MYLK: variants seen among roughly 807,000 people sequenced by gnomAD.
MYLK encodes myosin light chain kinase.
A neutral mutation model predicts 203.4 loss-of-function variants in MYLK; 106 were observed. The ratio of observed to expected loss-of-function variants is 0.52; its 90% CI spans 0.45 to 0.61. MYLK has a LOEUF of 0.61. Ranked by LOEUF, MYLK falls within the 20% of genes least tolerant of loss-of-function variation. The pLI, the probability that MYLK is intolerant of heterozygous loss-of-function variation, is 0.00. For missense variants in MYLK, 2,072 were observed against 2,442.3 expected (o/e 0.85, Z 3.20); for synonymous variants, 867 against 959.5 (o/e 0.90, Z 1.78).
intron 2 of MYLK, among the ~76,000 whole-genome samples, chr3:123,840,499 A>G (rs1055094910): frequency 6.6e-6 from 1 of 151,536 alleles, no homozygotes; most frequent in African/African-American, 2.4e-5. Context: ...AATTCACTGA[A>G]AGACACAAAC....
In MYLK at chr3:123,718,655, C is replaced by T. The variant is rs577954601; in HGVS notation, c.1804+3473G>A. 1.5e-4 allele frequency among the ~76,000 whole-genome samples: 23 copies of T among 152,256 alleles called. No individual in the cohort carries two copies. The East Asian group carries it at 1.6e-3, about 10-fold the overall frequency. On this transcript the variant is annotated intron_variant, in intron 13 of 33. Transcript: ENST00000360304. ...CCCCAGGCCATGGACACCTCTGAGG[C>T]TTCCTCACAGCACTAAAGATACACC... is the stretch of plus-strand genomic sequence containing the variant.
intron 3 of MYLK, among the ~76,000 whole-genome samples, chr3:123,819,636 T>C (rs572066873): frequency 6.6e-6 from 1 of 152,200 alleles, no homozygotes; most frequent in Non-Finnish European, 1.5e-5. Context: ...TCTTAAAATG[T>C]CATCTACCCC....
chr3:123,777,860 A>G (rs530751367), intron 4 of MYLK, among the ~76,000 whole-genome samples: 3 of 152,194 alleles, frequency 2.0e-5, no homozygotes, highest in Non-Finnish European at 1.5e-5. Context: ...CAGAGTTCCC[A>G]CTAGTTAGGC....
chr3:123,701,058 A>T, intron 17 of MYLK, 53 bp from the exon 18 acceptor site: 2 of 1,593,408 alleles, frequency 1.3e-6, no homozygotes, highest in Non-Finnish European at 1.7e-6. Context: ...GGGGCTGGGT[A>T]AGAAAGAAAC....
rs1200163785 is a variant in MYLK, at chr3:123,613,499, G to A, written c.*606C>T. ...GGGACCTGTCTTCAGAATCGAAGAA[G>A]CATAATGTCCTTAATGCTTACACTC... On this transcript the variant is annotated 3_prime_UTR_variant, in exon 34 of 34. Coordinates refer to ENST00000360304, the MANE Select transcript of MYLK (RefSeq NM_053025.4). The A allele has an allele frequency of 1.3e-5, 2 of 153,994 alleles. No homozygotes were observed. The highest frequency in any genetic ancestry group is 1.9e-4 in the East Asian group (1 of 5,236). The allele number at this position is 153,994 out of a possible 1,614,324, so 9.5% of individuals were successfully genotyped here.
chr3:123,848,389 T>A (rs1253062863), intron 2 of MYLK, among the ~76,000 whole-genome samples: 1 of 152,088 alleles, frequency 6.6e-6, no homozygotes, highest in African/African-American at 2.4e-5. Context: ...TTTTTCTAGC[T>A]TCTTGAGTAG....
At chr3:123,780,752 C>G (rs1408605642) in intron 4 of MYLK, among the ~76,000 whole-genome samples, 1 of 152,204 alleles carries the variant, frequency 6.6e-6, no homozygotes, top group Admixed American at 6.5e-5. Flanking sequence ...AAATCCATCC[C>G]TGCTCAGCCA....
intron 6 of MYLK, among the ~76,000 whole-genome samples, chr3:123,739,521 A>T (rs2062792554): frequency 6.6e-6 from 1 of 152,218 alleles, no homozygotes; most frequent in Non-Finnish European, 1.5e-5. Context: ...GGGCTCCTGG[A>T]AGATAATGTG....
intron 2 of MYLK, among the ~76,000 whole-genome samples, chr3:123,870,758 C>A (rs1035712838): frequency 6.6e-5 from 10 of 152,224 alleles, no homozygotes; most frequent in African/African-American, 2.4e-4. Flanking sequence ...TTATCTACAG[C>A]TCCTTCCGTG....
intron 29 of MYLK, among the ~76,000 whole-genome samples, chr3:123,636,469 A>T (rs770373634): frequency 6.6e-6 from 1 of 152,276 alleles, no homozygotes; most frequent in African/African-American, 2.4e-5. Context: ...GCAAGTCTCC[A>T]TGACGGCTGG....
chr3:123,665,553 C>T lies in MYLK; in HGVS notation c.3831+666G>A, dbSNP rs117729950. Among the ~76,000 whole-genome samples the T allele has an allele frequency of 1.3e-3, 202 of 152,346 alleles. 4 individuals carry two copies. In the East Asian group the frequency reaches 0.028, roughly 21 times the overall value. On this transcript the variant is annotated intron_variant, in intron 22 of 33. Coordinates refer to ENST00000360304, the MANE Select transcript of MYLK (RefSeq NM_053025.4). ...CAGAATAAATCTTCACAACTTCCCA[C>T]TCCTGTGCCAACCCATCATTCCAGG...
At chr3:123,668,966 T>C (rs1456380912) in intron 20 of MYLK, among the ~76,000 whole-genome samples, 4 of 152,194 alleles carry the variant, frequency 2.6e-5, no homozygotes, top group Admixed American at 2.0e-4. Context: ...GGGCTAATAT[T>C]AACAATTATT....
chr3:123,804,275 T>C (rs756080623), intron 3 of MYLK, among the ~76,000 whole-genome samples: 1 of 152,120 alleles, frequency 6.6e-6, no homozygotes, highest in Non-Finnish European at 1.5e-5. Context: ...GGGAGAGGGC[T>C]AGCAAGTGGG....
chr3:123,791,627 T>G (rs1416718769), intron 4 of MYLK, among the ~76,000 whole-genome samples: 1 of 152,244 alleles, frequency 6.6e-6, no homozygotes, highest in Non-Finnish European at 1.5e-5. Context: ...TTAATTCAAG[T>G]CAGGTGGTAA....
intron 4 of MYLK, among the ~76,000 whole-genome samples, chr3:123,765,050 T>TA (rs35117850): frequency 1.2e-3 from 177 of 152,134 alleles, no homozygotes; most frequent in African/African-American, 4.0e-3. Context: ...CCATTATTTT[T>TA]AAAAAAAGCA....
At chr3:123,694,345 G>T (rs2060816409) in intron 18 of MYLK, among the ~76,000 whole-genome samples, 1 of 152,146 alleles carries the variant, frequency 6.6e-6, no homozygotes, top group African/African-American at 2.4e-5. Context: ...GTAATGGAGA[G>T]GATTTAGGCT....
intron 4 of MYLK, among the ~76,000 whole-genome samples, chr3:123,790,576 A>G (rs1319741275): frequency 6.6e-6 from 1 of 152,222 alleles, no homozygotes; most frequent in African/African-American, 2.4e-5. Flanking sequence ...CTAGATAGAA[A>G]GAGGAGCTTT....
chr3:123,851,462 C>T (rs1422421932), intron 2 of MYLK, among the ~76,000 whole-genome samples: 3 of 152,238 alleles, frequency 2.0e-5, no homozygotes, highest in Non-Finnish European at 2.9e-5. Flanking sequence ...TCCTTCACAT[C>T]CCCTGTAAGT....
intron 2 of MYLK, among the ~76,000 whole-genome samples, chr3:123,868,771 A>C (rs989339138): frequency 1.3e-5 from 2 of 152,230 alleles, no homozygotes; most frequent in African/African-American, 4.8e-5. Context: ...ATAAACTGTA[A>C]AACATTATCC....
Sources: gnomAD v4.1 joint callset for allele counts (sites outside exome capture counted in the v4.1 genomes callset) on GRCh38, gnomAD v4.1.1 for gene constraint, MANE v1.5 for transcripts, NCBI Gene and HGNC (gene_info 2026-07-23, HGNC 2026-07-21) for gene names.